Variants in UGT2A3 observed in about 807,000 individuals in gnomAD.
UGT2A3 encodes UDP glucuronosyltransferase family 2 member A3.
A neutral mutation model predicts 44.1 loss-of-function variants in UGT2A3; 55 were observed. The ratio of observed to expected loss-of-function variants is 1.25; its 90% CI spans 1.00 to 1.56. The LOEUF is 1.56. Ranked by LOEUF, UGT2A3 falls within the 40% of genes most tolerant of loss-of-function variation. The pLI, the probability that UGT2A3 is intolerant of heterozygous loss-of-function variation, is 0.00. For synonymous variants in UGT2A3, 243 were observed against 215.1 expected (o/e 1.13, Z -1.13); for missense variants, 733 against 621.6 (o/e 1.18, Z -1.91).
At chr4:68,933,080 A>G (rs1283716998) in intron 2 of UGT2A3, among the ~76,000 whole-genome samples, 2 of 152,110 alleles carry the variant, frequency 1.3e-5, no homozygotes, top group African/African-American at 2.4e-5. Context: ...ATTTGCTAAA[A>G]TATAAAATTA....
chr4:68,929,049 C>A lies in UGT2A3; in HGVS notation c.*764G>T, dbSNP rs1717621047. The A allele has an allele frequency of 7.1e-6, 1 of 140,044 alleles. No homozygotes were observed. The highest frequency in any genetic ancestry group is 2.5e-5 in the African/African-American group (1 of 39,618). 8.7% of individuals were successfully genotyped at this position (140,044 alleles called of 1,614,324 possible). On this transcript the variant is annotated 3_prime_UTR_variant, in exon 6 of 6. Coordinates refer to ENST00000251566, the MANE Select transcript of UGT2A3 (RefSeq NM_024743.4). ...TTTATAAACTCAGTAATTATCACCA[C>A]ATATTTCAAATAGTTACTAATCCCA...
intron 2 of UGT2A3, 138 bp from the exon 3 acceptor site, chr4:68,932,897 G>T: frequency 1.2e-6 from 1 of 811,562 alleles, no homozygotes; most frequent in Non-Finnish European, 1.9e-6. Flanking sequence ...CTGACACACA[G>T]AACTATCTAG....
intron 2 of UGT2A3, among the ~76,000 whole-genome samples, chr4:68,942,219 C>G (rs1718213103): frequency 6.6e-6 from 1 of 150,696 alleles, no homozygotes; most frequent in Non-Finnish European, 1.5e-5. Flanking sequence ...ATGAATCAAC[C>G]TAAACATCCA....
Position 68,930,013 on chromosome 4 carries a change from T to C in UGT2A3, c.1384A>G (p.Ile462Val). The C allele has an allele frequency of 6.2e-7, 1 of 1,613,624 alleles. No individual in the cohort carries two copies. The change falls in exon 6 of 6, where the codon ATC becomes GTC. Residue 462 changes from isoleucine (I) to valine (V), a missense_variant. Physicochemically the swap from Ile to Val is conservative, Grantham distance 29 (BLOSUM62 3). Coordinates refer to ENST00000251566, the MANE Select transcript of UGT2A3 (RefSeq NM_024743.4). ...VKPLDRAVFW[I>V]EFVMRHKGAK... ...CCTTTGTGGCGCATGACAAACTCGA[T>C]CCAGAAGACTGCTCGATCTAGGGGC...
At chr4:68,935,085 T>C (rs895095893) in intron 2 of UGT2A3, among the ~76,000 whole-genome samples, 5 of 151,300 alleles carry the variant, frequency 3.3e-5, no homozygotes, top group Non-Finnish European at 5.9e-5. Context: ...TAAAGTCTCA[T>C]TAAAAAAGCC....
Position 68,938,218 on chromosome 4 carries a change from C to T in UGT2A3, c.865-5459G>A, listed in dbSNP as rs1210338870. On this transcript the variant is annotated intron_variant, in intron 2 of 5. Coordinates refer to ENST00000251566, the MANE Select transcript of UGT2A3 (RefSeq NM_024743.4). ...CTAACTCATGTTATGAGGCCAGCAT[C>T]GTCCTGATACCAAAGCCTGGCAGAG... 6.6e-5 allele frequency among the ~76,000 whole-genome samples: 10 copies of T among 152,038 alleles called. No homozygotes were observed. In the East Asian group the frequency reaches 7.7e-4, roughly 12 times the overall value.
intron 2 of UGT2A3, among the ~76,000 whole-genome samples, chr4:68,934,345 C>G (rs1432455698): frequency 6.6e-6 from 1 of 151,544 alleles, no homozygotes; most frequent in Non-Finnish European, 1.5e-5. Context: ...GATAACATCT[C>G]AAGGAATTAG....
chr4:68,951,125 T>C lies in UGT2A3; in HGVS notation c.636A>G (p.Ser212=). 1 of 1,611,548 alleles carries C rather than the reference T, an allele frequency of 6.2e-7. No homozygotes were observed. Among genetic ancestry groups the C allele is most frequent in the Non-Finnish European group, 8.5e-7 (1 of 1,178,864 alleles). ...AGAAGTGGAACAAAACTGAAAGCAT[T>C]GAATTTTTTACTCTTTCCAGAAAGG... The part of the protein sequence containing the change: ...RMTFLERVKN[S]MLSVLFHFWI... Residue 212 remains serine, a synonymous_variant, in exon 1 of 6, where the codon TCA becomes TCG. Transcript: ENST00000251566.
intron 2 of UGT2A3, chr4:68,943,500 T>A: frequency 3.5e-6 from 1 of 287,416 alleles, no homozygotes; most frequent in Non-Finnish European, 6.1e-6. Context: ...CTTATAGGAT[T>A]TTGATTATAT....
intron 2 of UGT2A3, among the ~76,000 whole-genome samples, chr4:68,934,005 A>G (rs1474572676): frequency 6.6e-6 from 1 of 152,012 alleles, no homozygotes; most frequent in Non-Finnish European, 1.5e-5. Context: ...TCAGGTGGTT[A>G]TCTTTTTAAA....
intron 3 of UGT2A3, among the ~76,000 whole-genome samples, chr4:68,931,884 C>T (rs1050641187): frequency 6.6e-6 from 1 of 151,860 alleles, no homozygotes; most frequent in African/African-American, 2.4e-5. Flanking sequence ...CAAAGAACGG[C>T]ATAGATGTTT....
At chr4:68,936,888 C>CA (rs56737078) in intron 2 of UGT2A3, among the ~76,000 whole-genome samples, 2,397 of 46,314 alleles carry the variant, frequency 0.052, 310 homozygotes, top group African/African-American at 0.15. Flanking sequence ...AAATGGAAAG[C>CA]AAAAAAAAAA....
intron 4 of UGT2A3, 46 bp downstream of exon 4, chr4:68,931,109 A>G: frequency 6.8e-7 from 1 of 1,461,626 alleles, no homozygotes. Flanking sequence ...ACATTTATTC[A>G]TTTTTTCCTC....
chr4:68,949,900 C>T (rs952359166), intron 1 of UGT2A3, among the ~76,000 whole-genome samples: 4 of 151,830 alleles, frequency 2.6e-5, no homozygotes, highest in African/African-American at 9.7e-5. Flanking sequence ...CAAGCTGCTC[C>T]ATGATTTTTA....
chr4:68,931,109 A>AT (rs751775783), intron 4 of UGT2A3, 46 bp downstream of exon 4: 5 of 1,461,622 alleles, frequency 3.4e-6, no homozygotes, highest in Middle Eastern at 1.8e-4. Context: ...ACATTTATTC[A>AT]TTTTTTCCTC....
At chr4:68,933,221 G>A (rs1717805783) in intron 2 of UGT2A3, among the ~76,000 whole-genome samples, 1 of 151,998 alleles carries the variant, frequency 6.6e-6, no homozygotes, top group Admixed American at 6.6e-5. Context: ...CAGAAGAAAA[G>A]TGAAAAATCT....
intron 2 of UGT2A3, among the ~76,000 whole-genome samples, chr4:68,940,719 TTG>T (rs1474999640): frequency 6.1e-5 from 9 of 147,750 alleles, no homozygotes; most frequent in Admixed American, 1.4e-4. Context: ...ACTTAAAGTA[TTG>T]TATATATATA....
intron 5 of UGT2A3, 121 bp from the exon 6 acceptor site, chr4:68,930,213 C>A: frequency 8.8e-7 from 1 of 1,141,376 alleles, no homozygotes; most frequent in South Asian, 1.6e-5. Flanking sequence ...AAGATTGATT[C>A]TGGTTGTGAC....
At chr4:68,945,967 C>T (rs544546645) in intron 1 of UGT2A3, among the ~76,000 whole-genome samples, 1 of 151,570 alleles carries the variant, frequency 6.6e-6, no homozygotes, top group East Asian at 2.0e-4. Flanking sequence ...GATCAGTTCC[C>T]TTTAACTTGC....
Sources: allele counts gnomAD v4.1 joint callset (sites outside exome capture counted in the v4.1 genomes callset), GRCh38; gene constraint gnomAD v4.1.1; transcripts MANE v1.5; gene names NCBI Gene and HGNC (gene_info 2026-07-23, HGNC 2026-07-21).